The following B4GALT1 variants were observed in gnomAD, a reference collection of about 807,000 sequenced individuals.
The protein encoded by B4GALT1 is beta-1,4-galactosyltransferase 1.
A neutral mutation model predicts 34.9 loss-of-function variants in B4GALT1; 16 were observed. That is an observed-to-expected ratio of 0.46 (90% CI 0.31 to 0.70). B4GALT1 has a LOEUF of 0.70. Ranked by LOEUF, B4GALT1 falls within the 30% of genes least tolerant of loss-of-function variation. B4GALT1 has a pLI of 0.05. For missense variants in B4GALT1, 445 were observed against 530.5 expected, an observed-to-expected ratio of 0.84 and a Z score of 1.58; for synonymous variants, 221 against 218.1, an observed-to-expected ratio of 1.01 and a Z score of -0.12.
chr9:33,104,760 G>A (rs765741057), exon 3 of B4GALT1: 2 of 455,728 alleles, frequency 4.4e-6, no homozygotes, highest in Non-Finnish European at 8.8e-6. Flanking sequence ...CTTCACCACA[G>A]GAGTCTTCTT....
chr9:33,178,477 G>A, the B4GALT1 span, among the ~76,000 whole-genome samples: 6 of 152,202 alleles, frequency 3.9e-5, no homozygotes, highest in East Asian at 1.9e-4. Context: ...AATAAACTGC[G>A]TGTCAGGATG....
At chr9:33,123,060 C>T (rs576394555) in intron 2 of B4GALT1, among the ~76,000 whole-genome samples, 67 of 151,894 alleles carry the variant, frequency 4.4e-4, no homozygotes, top group African/African-American at 1.4e-3. Flanking sequence ...GGTGGATCAC[C>T]TCAGGTCAGG....
chr9:33,184,543 A>G, the B4GALT1 span, among the ~76,000 whole-genome samples: 1 of 152,252 alleles, frequency 6.6e-6, no homozygotes, highest in Non-Finnish European at 1.5e-5. Context: ...CAGAATTTTC[A>G]GTCTAATAGG....
At chr9:33,126,667 G>GTTAACATTGTTTCCTATT (rs1358355119) in intron 2 of B4GALT1, among the ~76,000 whole-genome samples, 1 of 32,838 alleles carries the variant, frequency 3.0e-5, no homozygotes, top group Admixed American at 4.4e-4. Context: ...ATAGCAATAT[G>GTTAACATTGTTTCCTATT]GTAGCTCAGA....
chr9:33,105,710 G>GCAATCAT (rs1839790692), downstream of B4GALT1, among the ~76,000 whole-genome samples: 1 of 151,892 alleles, frequency 6.6e-6, no homozygotes, highest in South Asian at 2.1e-4. Flanking sequence ...TCGTCTAAGT[G>GCAATCAT]CAATCATATG....
At chr9:33,130,584 A>C (rs1840180381) in intron 2 of B4GALT1, among the ~76,000 whole-genome samples, 1 of 104,768 alleles carries the variant, frequency 9.5e-6, no homozygotes, top group African/African-American at 3.7e-5. Flanking sequence ...AAGTTAGTAC[A>C]ATAATTACAG....
Position 33,113,863 on chromosome 9 carries a change from G to A in B4GALT1, c.975C>T (p.Gly325=), listed in dbSNP as rs762925180. 9 of 1,614,022 alleles carry A rather than the reference G, an allele frequency of 5.6e-6. No individual in the cohort carries two copies. In the Middle Eastern group the frequency reaches 6.6e-4, roughly 118 times the overall value. The part of the protein sequence containing the change: ...DDIFNRLVFR[G]MSISRPNAVV... Reference sequence around the variant, plus strand: ...CAGCATTTGGGCGAGATATAGACATGCCTCTAAAAACTAATCTGCAAAGAG... The same window carrying A: ...CAGCATTTGGGCGAGATATAGACATACCTCTAAAAACTAATCTGCAAAGAG... The change falls in exon 5 of 6, where the codon GGC becomes GGT. Residue 325 remains glycine (G), a synonymous_variant. Coordinates refer to ENST00000379731, the MANE Select transcript of B4GALT1 (RefSeq NM_001497.4).
intron 1 of B4GALT1, among the ~76,000 whole-genome samples, chr9:33,150,412 A>T (rs1449970141): frequency 5.2e-5 from 2 of 38,814 alleles, no homozygotes; most frequent in African/African-American, 4.1e-4. Context: ...TTTTAAAAAT[A>T]AAAAAAAAAA....
At chr9:33,151,099 T>C (rs910831050) in intron 1 of B4GALT1, among the ~76,000 whole-genome samples, 1 of 152,166 alleles carries the variant, frequency 6.6e-6, no homozygotes, top group African/African-American at 2.4e-5. Flanking sequence ...AAGGCAGGTG[T>C]ACAGTATTGT....
At chr9:33,169,301 GAC>G (rs1840817033), upstream of B4GALT1, among the ~76,000 whole-genome samples, 1 of 152,084 alleles carries the variant, frequency 6.6e-6, no homozygotes, top group South Asian at 2.1e-4. Context: ...TACCATGCTG[GAC>G]CTGCCTTAGC....
Position 33,140,830 on chromosome 9 carries a change from T to C in B4GALT1, c.413-5406A>G, listed in dbSNP as rs549509608. Among the ~76,000 whole-genome samples, 5 of 152,262 alleles carry C rather than the reference T, an allele frequency of 3.3e-5. No individual in the cohort carries two copies. In the East Asian group the frequency reaches 9.6e-4, roughly 29 times the overall value. On this transcript the variant is annotated intron_variant, in intron 1 of 5. Transcript: ENST00000379731. The stretch of plus-strand genomic sequence containing the variant: ...AGGCATTACCACCAAATTCCCCAGC[T>C]TGAGAAAAGATTTGCTTGCAGCATT...
At chr9:33,132,939 G>A (rs1174662348) in intron 2 of B4GALT1, among the ~76,000 whole-genome samples, 7 of 152,108 alleles carry the variant, frequency 4.6e-5, no homozygotes, top group African/African-American at 1.7e-4. Flanking sequence ...GTCTCACTCT[G>A]TTGCCCAGGC....
intron 2 of B4GALT1, chr9:33,104,856 T>A: frequency 2.3e-6 from 1 of 434,452 alleles, no homozygotes; most frequent in South Asian, 1.6e-5. Flanking sequence ...CTCACTCTGT[T>A]GCCCAGGCTG....
At chr9:33,141,495 C>T (rs552261612) in intron 1 of B4GALT1, among the ~76,000 whole-genome samples, 7 of 152,168 alleles carry the variant, frequency 4.6e-5, no homozygotes, top group East Asian at 1.9e-4. Flanking sequence ...CCAGCCTGGG[C>T]GACAGAGCAA....
upstream of B4GALT1, among the ~76,000 whole-genome samples, chr9:33,169,518 A>ATTT (rs10567394): frequency 2.2e-4 from 29 of 132,356 alleles, no homozygotes; most frequent in African/African-American, 6.8e-4. Flanking sequence ...AACTGCTTGA[A>ATTT]TTTTTTTTTT....
chr9:33,151,848 T>C (rs557073895), intron 1 of B4GALT1, among the ~76,000 whole-genome samples: 1 of 152,194 alleles, frequency 6.6e-6, no homozygotes, highest in South Asian at 2.1e-4. Context: ...AGCATGAGAG[T>C]TGAACAGAAA....
intron 2 of B4GALT1, among the ~76,000 whole-genome samples, chr9:33,122,571 T>A (rs545802977): frequency 6.6e-6 from 1 of 152,122 alleles, no homozygotes; most frequent in African/African-American, 2.4e-5. Flanking sequence ...AAAGGCTGCC[T>A]GTGTGCGTAC....
intron 1 of B4GALT1, among the ~76,000 whole-genome samples, chr9:33,152,503 T>C (rs557668510): frequency 4.5e-4 from 37 of 81,668 alleles, no homozygotes; most frequent in African/African-American, 1.7e-3. Context: ...TTAAAACTAA[T>C]AGAAAAATGG....
chr9:33,175,020 T>TATATATATATAAAA, the B4GALT1 span, among the ~76,000 whole-genome samples: 8 of 39,070 alleles, frequency 2.0e-4, no homozygotes, highest in East Asian at 5.5e-4. Context: ...TATATATATA[T>TATATATATATAAAA]AAAATTGGAG....
Sources: gnomAD v4.1 joint callset for allele counts (sites outside exome capture counted in the v4.1 genomes callset) on GRCh38, gnomAD v4.1.1 for gene constraint, MANE v1.5 for transcripts, NCBI Gene and HGNC (gene_info 2026-07-23, HGNC 2026-07-21) for gene names.